ANKH: variants seen among roughly 807,000 people sequenced by gnomAD.
ANKH encodes mineralization regulator ANKH.
In ANKH, 15 loss-of-function variants were observed where a neutral mutation model predicts 49.0. The ratio of observed to expected loss-of-function variants is 0.31; its 90% CI spans 0.20 to 0.47. The LOEUF is 0.47. Among genes scored for constraint, ANKH ranks in the 20% least tolerant of loss-of-function variants. The pLI, the probability that ANKH is intolerant of heterozygous loss-of-function variation, is 1.00. For synonymous variants in ANKH, 273 were observed against 260.0 expected, an observed-to-expected ratio of 1.05 and a Z score of -0.48; for missense variants, 429 against 652.0, an observed-to-expected ratio of 0.66 and a Z score of 3.72.
intron 1 of ANKH, among the ~76,000 whole-genome samples, chr5:14,852,805 C>T (rs111722802): frequency 5.5e-4 from 84 of 152,222 alleles, no homozygotes; most frequent in African/African-American, 2.0e-3. Context: ...ACCTTACCAT[C>T]CCGGCCCACT....
Position 14,713,477 on chromosome 5 carries a change from T to C in ANKH, c.1265+67A>G. ...GGGATTTCCCCTGAAAATGTAGCTG[T>C]TAAACCTCTGGACACAGTATTGAAG... is the stretch of plus-strand genomic sequence containing the variant. On this transcript the variant is annotated intron_variant, in intron 10 of 11. Transcript: ENST00000284268. The surrounding 1 kb of genome is among the most constrained non-coding windows in gnomAD (Gnocchi z 4.4). 8 of 1,599,736 alleles carry C rather than the reference T, an allele frequency of 5.0e-6. No individual in the cohort carries two copies. Among genetic ancestry groups the C allele is most frequent in the Non-Finnish European group, 6.8e-6 (8 of 1,170,982 alleles).
intron 8 of ANKH, among the ~76,000 whole-genome samples, chr5:14,734,182 TGATTACCTGCTCCACCCTGACTCATTCC>T: frequency 6.6e-6 from 1 of 152,352 alleles, no homozygotes; most frequent in South Asian, 2.1e-4. Context: ...CAACCTTTTC[TGATTACCTGCTCCACCCTGACTCATTCC>T]GATTTCCTGC....
intron 1 of ANKH, among the ~76,000 whole-genome samples, chr5:14,799,547 G>A (rs933707303): frequency 3.3e-5 from 5 of 152,188 alleles, no homozygotes; most frequent in Admixed American, 2.6e-4. Context: ...TTAAGCTGAC[G>A]CCAATGCTCA....
chr5:14,862,579 G>A (rs1234073512), intron 1 of ANKH, among the ~76,000 whole-genome samples: 1 of 152,216 alleles, frequency 6.6e-6, no homozygotes, highest in African/African-American at 2.4e-5. Flanking sequence ...GGTAAGGCAG[G>A]AGGTGAGAAC....
rs984821357 is a variant in ANKH, at chr5:14,770,764, G to A, written c.97-1573C>T. ...CATGGATAGTAAAACTGTGGATAGG[G>A]GTGACTAGTGTAATGTAGTTTACAT... On this transcript the variant is annotated intron_variant, in intron 1 of 11. Transcript: ENST00000284268. The surrounding 1 kb of genome is among the most constrained non-coding windows in gnomAD (Gnocchi z 4.1). 2.0e-5 allele frequency among the ~76,000 whole-genome samples: 3 copies of A among 152,130 alleles called. No homozygotes were observed. Among genetic ancestry groups the A allele is most frequent in the Admixed American group, 6.6e-5 (1 of 15,262 alleles).
At chr5:14,848,504 G>T (rs1180903829) in intron 1 of ANKH, among the ~76,000 whole-genome samples, 1 of 152,088 alleles carries the variant, frequency 6.6e-6, no homozygotes, top group African/African-American at 2.4e-5. Context: ...GTTCCGGCTC[G>T]AGCTGAGCTT....
At chr5:14,818,519 G>C (rs768337056) in intron 1 of ANKH, among the ~76,000 whole-genome samples, 38 of 151,782 alleles carry the variant, frequency 2.5e-4, no homozygotes, top group Non-Finnish European at 4.9e-4. Context: ...GCGGGCACCT[G>C]TAGTCTTAGC....
At chr5:14,861,239 C>T (rs1478780168) in intron 1 of ANKH, among the ~76,000 whole-genome samples, 1 of 152,180 alleles carries the variant, frequency 6.6e-6, no homozygotes, top group East Asian at 1.9e-4. Flanking sequence ...TAATATTCCT[C>T]TTTGGGACAT....
intron 1 of ANKH, among the ~76,000 whole-genome samples, chr5:14,845,343 C>CATGT (rs1403796918): frequency 1.1e-5 from 1 of 87,350 alleles, no homozygotes; most frequent in African/African-American, 3.9e-5. Context: ...CTGCTAGTTT[C>CATGT]ATGTGTATAT....
chr5:14,787,064 A>C (rs1388660395), intron 1 of ANKH, among the ~76,000 whole-genome samples: 1 of 152,234 alleles, frequency 6.6e-6, no homozygotes, highest in Non-Finnish European at 1.5e-5. Context: ...CTGTAATTCC[A>C]GCACTTTGGA....
intron 1 of ANKH, among the ~76,000 whole-genome samples, chr5:14,821,743 T>G (rs1741202037): frequency 1.3e-5 from 2 of 152,212 alleles, no homozygotes; most frequent in Admixed American, 1.3e-4. Flanking sequence ...CTTTAATTTC[T>G]GCCGCATCCC....
In ANKH at chr5:14,770,040, G is replaced by A. The variant is rs939032508; in HGVS notation, c.97-849C>T. On this transcript the variant is annotated intron_variant, in intron 1 of 11. Transcript: ENST00000284268. This position sits in a 1 kb window ranked among gnomAD's most constrained non-coding sequence, Gnocchi z 4.1. Reference sequence around the variant, plus strand: ...ACCAGTGGGAATGGATGTCCAGGTAGAGAGAGCTTTCTGACTAAAATGCCT... The same window carrying A: ...ACCAGTGGGAATGGATGTCCAGGTAAAGAGAGCTTTCTGACTAAAATGCCT... Among the ~76,000 whole-genome samples the A allele has an allele frequency of 2.0e-5, 3 of 152,170 alleles. No homozygotes were observed. Among genetic ancestry groups the A allele is most frequent in the Admixed American group, 2.0e-4 (3 of 15,274 alleles).
chr5:14,871,532 C>T lies in ANKH; in HGVS notation c.-85G>A, dbSNP rs1735827923. On this transcript the variant is annotated 5_prime_UTR_variant, in exon 1 of 12. Transcript: ENST00000284268. Reference sequence around the variant, plus strand: ...GGCGAGGGGCGACGGGGCGACGGGGCGAGCGGGGCGCGGGCCGACAGAGGC... The same window carrying T: ...GGCGAGGGGCGACGGGGCGACGGGGTGAGCGGGGCGCGGGCCGACAGAGGC... 2.0e-6 allele frequency: 2 copies of T among 1,023,250 alleles called. No homozygotes were observed. Among genetic ancestry groups the T allele is most frequent in the East Asian group, 7.9e-5 (2 of 25,326 alleles). The allele number at this position is 1,023,250 out of a possible 1,614,324, so 63.4% of individuals were successfully genotyped here.
chr5:14,745,820 G>A lies in ANKH; in HGVS notation c.915+50C>T. On this transcript the variant is annotated intron_variant, in intron 7 of 11. Transcript: ENST00000284268. The surrounding 1 kb of genome is among the most constrained non-coding windows in gnomAD (Gnocchi z 4.7). ...CTCATCAGAGAGCCCTGTCTATCAA[G>A]AAGTCATTTCAAAAGCATGTTTCAG... 1 of 1,532,180 alleles carries A rather than the reference G, an allele frequency of 6.5e-7. No homozygotes were observed. The highest frequency in any genetic ancestry group is 1.7e-5 in the Admixed American group (1 of 59,858). 94.9% of individuals were successfully genotyped at this position (1,532,180 alleles called of 1,614,324 possible).
Position 14,710,995 on chromosome 5 carries a change from A to G in ANKH, c.*202T>C, listed in dbSNP as rs1179838295. 1.7e-6 allele frequency: 1 copy of G among 603,516 alleles called. No homozygotes were observed. The highest frequency in any genetic ancestry group is 1.8e-5 in the African/African-American group (1 of 54,202). The allele number at this position is 603,516 out of a possible 1,614,324, so 37.4% of individuals were successfully genotyped here. On this transcript the variant is annotated 3_prime_UTR_variant, in exon 12 of 12. Coordinates refer to ENST00000284268, the MANE Select transcript of ANKH (RefSeq NM_054027.6). ...TCGTTTGTTTTTACATAGCAACAGT[A>G]AAGACCATTCACTAGGTCCCCCCGT...
intron 1 of ANKH, among the ~76,000 whole-genome samples, chr5:14,802,908 T>C (rs937429182): frequency 8.5e-5 from 13 of 152,296 alleles, no homozygotes; most frequent in South Asian, 2.1e-4. Context: ...TAAAGACTTG[T>C]TGAATGGGAG....
chr5:14,763,039 G>C (rs535302199), intron 2 of ANKH, among the ~76,000 whole-genome samples: 3 of 152,320 alleles, frequency 2.0e-5, no homozygotes, highest in Non-Finnish European at 4.4e-5. Flanking sequence ...TCAGATCCAC[G>C]GGTCCACTGA....
intron 2 of ANKH, among the ~76,000 whole-genome samples, chr5:14,758,997 G>T (rs1244592723): frequency 1.3e-5 from 2 of 152,188 alleles, no homozygotes; most frequent in Non-Finnish European, 2.9e-5. Flanking sequence ...TACACAGTGA[G>T]GTGGTTTCCA....
At chr5:14,853,650 T>C (rs892129475) in intron 1 of ANKH, among the ~76,000 whole-genome samples, 2 of 151,612 alleles carry the variant, frequency 1.3e-5, no homozygotes, top group Admixed American at 1.3e-4. Context: ...TGTAGAAAGA[T>C]GTGTGGGTTT....
Sources: gnomAD v4.1 joint callset for allele counts (sites outside exome capture counted in the v4.1 genomes callset) on GRCh38, gnomAD v4.1.1 for gene constraint, Gnocchi (gnomAD v3.1) non-coding constraint, MANE v1.5 for transcripts, NCBI Gene and HGNC (gene_info 2026-07-23, HGNC 2026-07-21) for gene names.